PPP6R3: variants seen among roughly 807,000 people sequenced by gnomAD.
PPP6R3 encodes the protein serine/threonine-protein phosphatase 6 regulatory subunit 3.
A neutral mutation model predicts 110.7 loss-of-function variants in PPP6R3; 38 were observed. The ratio of observed to expected loss-of-function variants is 0.34; its 90% CI spans 0.26 to 0.45. The LOEUF (loss-of-function observed/expected upper bound fraction) is 0.45, where lower values mean the gene tolerates loss of function less well. PPP6R3 is among the 20% of genes least tolerant of loss of function. The pLI is 1.00. For synonymous variants in PPP6R3, 369 were observed against 373.5 expected, an observed-to-expected ratio of 0.99 and a Z score of 0.14; for missense variants, 870 against 1,062.4, an observed-to-expected ratio of 0.82 and a Z score of 2.52.
intron 12 of PPP6R3, among the ~76,000 whole-genome samples, chr11:68,571,696 C>A (rs549860429): frequency 6.6e-6 from 1 of 152,166 alleles, no homozygotes; most frequent in Non-Finnish European, 1.5e-5. Context: ...CTTTATGTCA[C>A]CCCGTAGATT....
At chr11:68,527,204 A>G (rs2099203492) in intron 2 of PPP6R3, among the ~76,000 whole-genome samples, 1 of 152,224 alleles carries the variant, frequency 6.6e-6, no homozygotes, top group South Asian at 2.1e-4. Flanking sequence ...TGGAGAAGTA[A>G]TGGTCATTTA....
Position 68,566,998 on chromosome 11 carries a change from G to A in PPP6R3, c.976-16G>A, listed in dbSNP as rs775874056. On this transcript the variant is annotated splice_polypyrimidine_tract_variant and intron_variant, in intron 9 of 23. Transcript: ENST00000393800. ...TCATTTAACTGAATTTAATTGGAAA[G>A]CTTTTTCTTCTTCAGAAAAGTGTGA... is the stretch of plus-strand genomic sequence containing the variant. 7.6e-5 allele frequency: 117 copies of A among 1,537,700 alleles called. No homozygotes were observed. The highest frequency in any genetic ancestry group is 9.4e-5 in the Non-Finnish European group (107 of 1,141,446).
chr11:68,591,803 A>C, intron 18 of PPP6R3, 97 bp downstream of exon 18: 1 of 1,370,818 alleles, frequency 7.3e-7, no homozygotes, highest in Non-Finnish European at 9.6e-7. Flanking sequence ...CATACATGTT[A>C]ACCCAGAAAC....
chr11:68,529,605 A>G (rs761493492), intron 2 of PPP6R3, among the ~76,000 whole-genome samples: 31 of 152,298 alleles, frequency 2.0e-4, no homozygotes, highest in Non-Finnish European at 4.0e-4. Context: ...AGCTCTTTGC[A>G]TTATTTCAAG....
At chr11:68,548,246 C>T in intron 5 of PPP6R3, 42 bp downstream of exon 5, 1 of 1,607,400 alleles carries the variant, frequency 6.2e-7, no homozygotes, top group South Asian at 1.1e-5. Context: ...GGTTAGGGTG[C>T]TGGCATGTGA....
chr11:68,467,602 A>G (rs957368872), intron 1 of PPP6R3, among the ~76,000 whole-genome samples: 10 of 152,174 alleles, frequency 6.6e-5, no homozygotes, highest in Non-Finnish European at 1.3e-4. Flanking sequence ...TGAGACCCTA[A>G]TCAGGGCAGT....
intron 1 of PPP6R3, among the ~76,000 whole-genome samples, chr11:68,483,867 C>G (rs894196989): frequency 5.3e-5 from 8 of 152,232 alleles, no homozygotes; most frequent in African/African-American, 1.9e-4. Flanking sequence ...CCTACAGATC[C>G]TCTGTGCCTC....
intron 1 of PPP6R3, among the ~76,000 whole-genome samples, chr11:68,504,151 A>G (rs2099062926): frequency 6.6e-6 from 1 of 152,270 alleles, no homozygotes; most frequent in African/African-American, 2.4e-5. Flanking sequence ...GCCTGGTTAA[A>G]TCAGCAGTAA....
intron 1 of PPP6R3, among the ~76,000 whole-genome samples, chr11:68,516,525 A>C (rs1336999984): frequency 6.6e-6 from 1 of 152,208 alleles, no homozygotes; most frequent in Non-Finnish European, 1.5e-5. Flanking sequence ...AATCTGAAAT[A>C]CTTCTGGTCT....
At chr11:68,508,419 C>T (rs1280987651) in intron 1 of PPP6R3, among the ~76,000 whole-genome samples, 1 of 152,074 alleles carries the variant, frequency 6.6e-6, no homozygotes, top group South Asian at 2.1e-4. Context: ...CGTGAGCCAC[C>T]GTGCCTGGCC....
chr11:68,574,296 G>A (rs766628766), intron 13 of PPP6R3, 72 bp downstream of exon 13: 4 of 1,179,124 alleles, frequency 3.4e-6, no homozygotes, highest in Non-Finnish European at 5.0e-6. Context: ...AAGTAGAAAT[G>A]CATGTAGCAT....
At chr11:68,603,670 C>T (rs2099638598) in intron 22 of PPP6R3, 178 bp downstream of exon 22, 1 of 722,992 alleles carries the variant, frequency 1.4e-6, no homozygotes, top group East Asian at 3.1e-5. Flanking sequence ...AGAGTTTAGG[C>T]CCCTAAGTGC....
chr11:68,482,443 A>G (rs867318045), intron 1 of PPP6R3, among the ~76,000 whole-genome samples: 1 of 151,438 alleles, frequency 6.6e-6, no homozygotes, highest in Admixed American at 6.6e-5. Context: ...TCTCTTTCCC[A>G]TAGAAAATGA....
chr11:68,484,349 G>T (rs1157381180), intron 1 of PPP6R3, among the ~76,000 whole-genome samples: 1 of 152,086 alleles, frequency 6.6e-6, no homozygotes, highest in Admixed American at 6.6e-5. Context: ...AGTTCCTCTT[G>T]CCCCACATTG....
chr11:68,515,201 G>A (rs573780340), intron 1 of PPP6R3: 1 of 152,664 alleles, frequency 6.6e-6, no homozygotes, highest in East Asian at 1.9e-4. Flanking sequence ...TCACTCTCTT[G>A]TGAAACAGGC....
intron 6 of PPP6R3, 164 bp downstream of exon 6, chr11:68,551,350 A>G (rs1179968303): frequency 3.4e-6 from 2 of 585,208 alleles, no homozygotes; most frequent in African/African-American, 1.9e-5. Flanking sequence ...AAACAATATT[A>G]CATTTTGCCA....
At chr11:68,556,311 A>G (rs968164592) in intron 7 of PPP6R3, among the ~76,000 whole-genome samples, 19 of 152,212 alleles carry the variant, frequency 1.2e-4, no homozygotes, top group Admixed American at 4.6e-4. Flanking sequence ...CAGAAAGCGG[A>G]CTGAAGTGTT....
At chr11:68,472,998 T>C (rs1256197976) in intron 1 of PPP6R3, among the ~76,000 whole-genome samples, 2 of 152,244 alleles carry the variant, frequency 1.3e-5, no homozygotes, top group African/African-American at 4.8e-5. Context: ...CATCAGTTGA[T>C]GGACATTTGT....
At chr11:68,544,770 A>G (rs940105682) in intron 3 of PPP6R3, 68 bp from the exon 4 acceptor site, 2 of 1,103,948 alleles carry the variant, frequency 1.8e-6, no homozygotes, top group African/African-American at 1.6e-5. Context: ...AGCCTTTCTG[A>G]TTTGTGTTTA....
Sources: allele counts gnomAD v4.1 joint callset (sites outside exome capture counted in the v4.1 genomes callset), GRCh38; gene constraint gnomAD v4.1.1; transcripts MANE v1.5; gene names NCBI Gene and HGNC (gene_info 2026-07-23, HGNC 2026-07-21).